Variants in LPXN observed in about 807,000 individuals in gnomAD.
LPXN encodes leupaxin.
A neutral mutation model predicts 45.6 loss-of-function variants in LPXN; 28 were observed. The observed-to-expected ratio is 0.61, with a 90% CI of 0.45 to 0.84. The LOEUF is 0.84. LPXN is among the 40% of genes least tolerant of loss of function. The pLI is 0.00. For missense variants in LPXN, 459 were observed against 475.0 expected (o/e 0.97, Z 0.31); for synonymous variants, 166 against 169.9 (o/e 0.98, Z 0.18).
At chr11:58,578,849 A>G (rs1449086347), upstream of LPXN, among the ~76,000 whole-genome samples, 4 of 151,428 alleles carry the variant, frequency 2.6e-5, no homozygotes, top group Non-Finnish European at 5.9e-5. Context: ...TGGAGGGGGG[A>G]AAAAGGTCAC....
intron 3 of LPXN, 126 bp from the exon 4 acceptor site, chr11:58,555,066 T>C (rs1298336751): frequency 2.7e-5 from 16 of 599,642 alleles, no homozygotes; most frequent in South Asian, 6.1e-5. Flanking sequence ...AAATCAGAGA[T>C]GGGGGTATTT....
At chr11:58,530,230 C>T (rs1462370818) in intron 7 of LPXN, among the ~76,000 whole-genome samples, 1 of 152,164 alleles carries the variant, frequency 6.6e-6, no homozygotes, top group Non-Finnish European at 1.5e-5. Context: ...GGGGCTTAAG[C>T]CAGGGAGCCA....
At chr11:58,537,069 TA>T (rs1402866357) in intron 7 of LPXN, among the ~76,000 whole-genome samples, 1 of 139,904 alleles carries the variant, frequency 7.1e-6, no homozygotes, top group Non-Finnish European at 1.6e-5. Flanking sequence ...GGTGGGAGTG[TA>T]AATTAGTTCA....
intron 4 of LPXN, among the ~76,000 whole-genome samples, chr11:58,553,204 C>T (rs973073003): frequency 1.3e-5 from 2 of 151,868 alleles, no homozygotes; most frequent in African/African-American, 4.8e-5. Context: ...GGCATGGTGG[C>T]ACACGCCTGT....
Position 58,527,643 on chromosome 11 carries a change from GC to G in LPXN, c.971del (p.Arg324ProfsTer36). ...RPFCELHYHH[R>X]RGTLCHGCGQ... is the part of the protein sequence containing the mutation. ...CACACCCATGGCAGAGCGTTCCCCGGCGGTGATGGTAATGGAGCTCACAGAA... is the reference window on the plus strand; with the variant it reads ...CACACCCATGGCAGAGCGTTCCCCGGGGTGATGGTAATGGAGCTCACAGAA... On this transcript the variant is annotated frameshift_variant, in exon 9 of 9. Coordinates refer to ENST00000395074, the MANE Select transcript of LPXN (RefSeq NM_004811.3). LOFTEE classifies it high-confidence loss of function. 3 of 1,614,172 alleles carry G rather than the reference GC, an allele frequency of 1.9e-6. No homozygotes were observed. Among genetic ancestry groups the G allele is most frequent in the Non-Finnish European group, 2.5e-6 (3 of 1,180,038 alleles).
At chr11:58,539,834 T>C (rs998091703) in intron 7 of LPXN, among the ~76,000 whole-genome samples, 2 of 152,196 alleles carry the variant, frequency 1.3e-5, no homozygotes, top group Admixed American at 1.3e-4. Context: ...AGAAAGTTTT[T>C]GTAGAACTCA....
intron 2 of LPXN, among the ~76,000 whole-genome samples, chr11:58,567,996 T>C (rs1409916169): frequency 1.3e-5 from 2 of 152,230 alleles, no homozygotes; most frequent in South Asian, 2.1e-4. Flanking sequence ...ATAATTTGTA[T>C]GACATTAAGC....
At chr11:58,539,776 A>C (rs961000474) in intron 7 of LPXN, among the ~76,000 whole-genome samples, 4 of 152,178 alleles carry the variant, frequency 2.6e-5, no homozygotes, top group Admixed American at 6.5e-5. Context: ...CACTTATCTC[A>C]CCTTTCCTGT....
intron 7 of LPXN, among the ~76,000 whole-genome samples, chr11:58,530,518 G>A (rs1276320924): frequency 6.6e-6 from 1 of 152,196 alleles, no homozygotes; most frequent in Admixed American, 6.5e-5. Flanking sequence ...TTCTGGGCAG[G>A]CCATCTCTGA....
At chr11:58,549,708 T>C (rs1040350907) in intron 7 of LPXN, 78 bp downstream of exon 7, 4 of 1,248,206 alleles carry the variant, frequency 3.2e-6, no homozygotes, top group Non-Finnish European at 4.6e-6. Flanking sequence ...AGGACTCCCG[T>C]GACTACCAGG....
chr11:58,554,425 CTT>C (rs1854142280), intron 4 of LPXN, among the ~76,000 whole-genome samples: 3 of 152,190 alleles, frequency 2.0e-5, no homozygotes, highest in Non-Finnish European at 4.4e-5. Flanking sequence ...CTTCCCATCT[CTT>C]TATGTCCAAA....
chr11:58,564,645 G>A (rs1367745552), intron 2 of LPXN, among the ~76,000 whole-genome samples: 3 of 152,176 alleles, frequency 2.0e-5, no homozygotes, highest in Non-Finnish European at 4.4e-5. Flanking sequence ...GAACAAATAT[G>A]TATTGAGGGC....
intron 3 of LPXN, among the ~76,000 whole-genome samples, chr11:58,563,227 T>C (rs912405351): frequency 5.9e-5 from 9 of 152,302 alleles, no homozygotes; most frequent in East Asian, 3.9e-4. Context: ...TTATTTTTCA[T>C]TGGGGCTTCA....
intron 8 of LPXN, 137 bp from the exon 9 acceptor site, chr11:58,527,860 G>T: frequency 1.8e-6 from 2 of 1,129,476 alleles, no homozygotes; most frequent in Admixed American, 5.2e-5. Context: ...TTGACAAATG[G>T]AGACTAGATT....
intron 7 of LPXN, among the ~76,000 whole-genome samples, chr11:58,549,081 C>T (rs970438692): frequency 6.6e-6 from 1 of 152,066 alleles, no homozygotes; most frequent in East Asian, 1.9e-4. Flanking sequence ...CAATCTATAA[C>T]AATATAAAGT....
intron 4 of LPXN, among the ~76,000 whole-genome samples, chr11:58,553,149 A>G (rs1201140022): frequency 1.3e-5 from 2 of 152,108 alleles, no homozygotes; most frequent in African/African-American, 4.8e-5. Context: ...CAGTCTGGGC[A>G]ACATAGCAAA....
At chr11:58,532,946 G>A (rs12284057) in intron 7 of LPXN, among the ~76,000 whole-genome samples, 1,656 of 151,480 alleles carry the variant, frequency 0.011, 38 homozygotes, top group African/African-American at 0.038. Flanking sequence ...TCACTCCTGA[G>A]GCCAGCGAGA....
rs745594453 is a variant in LPXN at position 58,575,798 on chromosome 11, C to G, written c.-26G>C. 6.2e-7 allele frequency: 1 copy of G among 1,614,206 alleles called. No individual in the cohort carries two copies. The highest frequency in any genetic ancestry group is 1.1e-5 in the South Asian group (1 of 91,084). ...TGTCCTACATCCAAGATGCTCTTGT[C>G]TCACAGGCCGTGAGGAACAGCTTTG... On this transcript the variant is annotated 5_prime_UTR_variant, in exon 1 of 9. Coordinates refer to ENST00000395074, the MANE Select transcript of LPXN (RefSeq NM_004811.3).
At chr11:58,578,001 G>A, upstream of LPXN, 2 of 1,550,606 alleles carry the variant, frequency 1.3e-6, no homozygotes, top group African/African-American at 1.4e-5. Context: ...GGAGCTCACA[G>A]GTGAGTGACT....
Sources: gnomAD v4.1 joint callset for allele counts (sites outside exome capture counted in the v4.1 genomes callset) on GRCh38, gnomAD v4.1.1 for gene constraint, MANE v1.5 for transcripts, NCBI Gene and HGNC (gene_info 2026-07-23, HGNC 2026-07-21) for gene names.